HPSE2: variants seen among roughly 807,000 people sequenced by gnomAD.
HPSE2 encodes inactive heparanase-2.
A neutral mutation model predicts 60.5 loss-of-function variants in HPSE2; 38 were observed. That is an observed-to-expected ratio of 0.63 (90% CI 0.48 to 0.82). The LOEUF is 0.82. Ranked by LOEUF, HPSE2 falls within the 40% of genes least tolerant of loss-of-function variation. The pLI is 0.00. For missense variants in HPSE2, 713 were observed against 740.4 expected (o/e 0.96, Z 0.43); for synonymous variants, 295 against 293.2 (o/e 1.01, Z -0.06).
At chr10:98,954,770 A>G (rs1413885362) in intron 3 of HPSE2, among the ~76,000 whole-genome samples, 18 of 152,160 alleles carry the variant, frequency 1.2e-4, no homozygotes, top group Admixed American at 1.1e-3. Flanking sequence ...GGTCAGTACA[A>G]TATAAACTCC....
chr10:98,945,981 T>C (rs1955170486), intron 3 of HPSE2, among the ~76,000 whole-genome samples: 2 of 152,050 alleles, frequency 1.3e-5, no homozygotes, highest in South Asian at 4.1e-4. Flanking sequence ...ATTTTTTCAA[T>C]AAGATATATC....
chr10:98,628,161 G>C (rs996155384), intron 7 of HPSE2, among the ~76,000 whole-genome samples: 6 of 152,178 alleles, frequency 3.9e-5, no homozygotes, highest in Non-Finnish European at 8.8e-5. Context: ...AGTATTTACT[G>C]TTTGGGGCAC....
chr10:99,234,714 A>T, intron 1 of HPSE2, among the ~76,000 whole-genome samples: 1 of 152,250 alleles, frequency 6.6e-6, no homozygotes, highest in East Asian at 1.9e-4. Context: ...TGCGGAGTTC[A>T]GATCTCCGAA....
intron 3 of HPSE2, among the ~76,000 whole-genome samples, chr10:98,873,994 G>GGCCACATA (rs1380927636): frequency 6.6e-6 from 1 of 151,590 alleles, no homozygotes; most frequent in African/African-American, 2.4e-5. Flanking sequence ...TATGTTTTTT[G>GGCCACATA]GCCACATAAA....
intron 3 of HPSE2, among the ~76,000 whole-genome samples, chr10:98,941,316 T>C (rs1264337916): frequency 3.2e-5 from 4 of 125,242 alleles, no homozygotes; most frequent in South Asian, 2.5e-4. Flanking sequence ...GATGACATGA[T>C]TGTATATCTA....
At position 99,046,637 on chromosome 10, in the gene HPSE2, T is replaced by C. The variant is rs575323581; in HGVS notation, c.610+97601A>G. Among the ~76,000 whole-genome samples, 72 of 152,086 alleles carry C rather than the reference T, an allele frequency of 4.7e-4. 1 individual carries two copies. The highest frequency in any genetic ancestry group is 9.0e-4 in the Non-Finnish European group (61 of 67,994). On this transcript the variant is annotated intron_variant, in intron 3 of 11. Transcript: ENST00000370552. ...CAATGATTTTAATAAGGTTTCAGGA[T>C]ACAAAATCAATATACACAAATCAGT...
intron 3 of HPSE2, among the ~76,000 whole-genome samples, chr10:99,085,661 T>G (rs767037448): frequency 1.2e-4 from 18 of 152,208 alleles, no homozygotes; most frequent in Non-Finnish European, 2.4e-4. Context: ...TGTGTGTATG[T>G]GATATTATGT....
chr10:99,091,681 T>C (rs1843520167), intron 3 of HPSE2, among the ~76,000 whole-genome samples: 3 of 152,188 alleles, frequency 2.0e-5, no homozygotes, highest in Admixed American at 6.5e-5. Flanking sequence ...TTGATAGCTA[T>C]GCTAGCATAT....
the HPSE2 span, among the ~76,000 whole-genome samples, chr10:99,298,050 A>G: frequency 1.3e-5 from 2 of 152,224 alleles, no homozygotes; most frequent in Non-Finnish European, 2.9e-5. Context: ...GGGAGTTCCT[A>G]GGCCCCTGGC....
intron 3 of HPSE2, among the ~76,000 whole-genome samples, chr10:99,005,059 T>C (rs112211092): frequency 4.6e-5 from 7 of 152,334 alleles, no homozygotes; most frequent in African/African-American, 1.4e-4. Flanking sequence ...TCTTTTTCCT[T>C]GTTGCTTTCA....
chr10:98,690,625 C>A (rs925966861), intron 6 of HPSE2, among the ~76,000 whole-genome samples: 4 of 151,738 alleles, frequency 2.6e-5, no homozygotes, highest in African/African-American at 9.7e-5. Flanking sequence ...TCACTTCTTT[C>A]AAAGGTTGAA....
chr10:98,759,118 T>A (rs922369862), intron 3 of HPSE2, among the ~76,000 whole-genome samples: 2 of 151,970 alleles, frequency 1.3e-5, no homozygotes, highest in Admixed American at 1.3e-4. Context: ...CTCACTGACA[T>A]GTTATTGCTA....
At chr10:98,520,663 G>T (rs1183628514) in intron 9 of HPSE2, among the ~76,000 whole-genome samples, 1 of 152,138 alleles carries the variant, frequency 6.6e-6, no homozygotes, top group Non-Finnish European at 1.5e-5. Context: ...TAGGATTTAC[G>T]TGATTAAAAA....
intron 3 of HPSE2, among the ~76,000 whole-genome samples, chr10:98,954,934 A>G (rs1189171495): frequency 1.3e-5 from 2 of 149,826 alleles, no homozygotes; most frequent in Non-Finnish European, 1.5e-5. Context: ...AGTATTCAAT[A>G]CTCAGTGGAT....
intron 3 of HPSE2, among the ~76,000 whole-genome samples, chr10:98,773,099 T>G (rs1386022628): frequency 6.6e-6 from 1 of 152,198 alleles, no homozygotes; most frequent in East Asian, 1.9e-4. Flanking sequence ...GCCAGAGGCA[T>G]AGGAGCCTCC....
At chr10:99,213,270 T>C in intron 2 of HPSE2, among the ~76,000 whole-genome samples, 1 of 151,980 alleles carries the variant, frequency 6.6e-6, no homozygotes, top group Admixed American at 6.6e-5. Flanking sequence ...TGGAATAAAA[T>C]ATTCTGGGTC....
At chr10:98,624,639 T>A (rs12252876) in intron 7 of HPSE2, among the ~76,000 whole-genome samples, 9,569 of 152,260 alleles carry the variant, frequency 0.063, 1,022 homozygotes, top group African/African-American at 0.22. Context: ...TATTTGTATA[T>A]CATTTTAATT....
chr10:98,792,997 A>G (rs908262295), intron 3 of HPSE2, among the ~76,000 whole-genome samples: 1 of 152,232 alleles, frequency 6.6e-6, no homozygotes, highest in Non-Finnish European at 1.5e-5. Context: ...ACAGACAAAA[A>G]ACAAATTGGA....
intron 9 of HPSE2, among the ~76,000 whole-genome samples, chr10:98,505,050 TATA>T (rs1484236693): frequency 1.3e-5 from 2 of 152,234 alleles, no homozygotes; most frequent in African/African-American, 4.8e-5. Context: ...TTTAATTTTG[TATA>T]ATACTTCTTT....
Sources: allele counts gnomAD v4.1 joint callset (sites outside exome capture counted in the v4.1 genomes callset), GRCh38; gene constraint gnomAD v4.1.1; transcripts MANE v1.5; gene names NCBI Gene and HGNC (gene_info 2026-07-23, HGNC 2026-07-21).